The following DEXI variants were observed in gnomAD, a reference collection of about 807,000 sequenced individuals.
DEXI encodes dexamethasone-induced protein.
DEXI carries 2 observed loss-of-function variants against 2.5 expected under a neutral mutation model. The ratio of observed to expected loss-of-function variants is 0.81; its 90% CI spans 0.33 to 2.55. The LOEUF (loss-of-function observed/expected upper bound fraction) is 2.55, where lower values mean the gene tolerates loss of function less well. Ranked by LOEUF, DEXI falls within the 30% of genes most tolerant of loss-of-function variation. The pLI is 0.11. For missense variants in DEXI, 108 were observed against 130.3 expected, an observed-to-expected ratio of 0.83 and a Z score of 0.83; for synonymous variants, 71 against 68.7, an observed-to-expected ratio of 1.03 and a Z score of -0.17.
At position 10,931,661 on chromosome 16, in the gene DEXI, T is replaced by C. The variant is rs540326825; in HGVS notation, c.*150-2102A>G. The C allele has an allele frequency of 2.0e-5, 3 of 152,202 alleles. No homozygotes were observed. In the South Asian group the frequency reaches 6.2e-4, roughly 32 times the overall value. 9.4% of individuals were successfully genotyped at this position (152,202 alleles called of 1,614,324 possible). A position where few individuals can be genotyped will look rare whatever the true frequency, so the allele number is the denominator to read the frequency against. ...GAGTTTGAGACCAGCCTGGCCAACA[T>C]GGCGAAATGAGGTCAAGACTAGCCT... On this transcript the variant is annotated intron_variant, in intron 1 of 1. Transcript: ENST00000331808.
rs2041109167 is a variant in DEXI, at chr16:10,941,990, C to G, written c.16G>C (p.Val6Leu). The change falls in exon 1 of 2, where the codon GTC becomes CTC. Residue 6 changes from valine (V) to leucine (L), a missense_variant. Val to Leu is a conservative substitution (Grantham distance 32). Coordinates refer to ENST00000331808, the MANE Select transcript of DEXI (RefSeq NM_014015.4). This position sits in a 1 kb window ranked among gnomAD's most constrained non-coding sequence, Gnocchi z 6.4. MLGAR[V>L]AAHLDALGPL... ...CCCAGTGCGTCCAGGTGGGCCGCGA[C>G]CCGGGCGCCGAGCATGCAGCGGGTG... is the stretch of plus-strand genomic sequence containing the variant. 6.8e-7 allele frequency: 1 copy of G among 1,477,410 alleles called. No homozygotes were observed. Among genetic ancestry groups the G allele is most frequent in the East Asian group, 2.9e-5 (1 of 34,626 alleles). 91.5% of individuals were successfully genotyped at this position (1,477,410 alleles called of 1,614,324 possible). A position where few individuals can be genotyped will look rare whatever the true frequency, so the allele number is the denominator to read the frequency against.
rs2041050080 is a variant in DEXI, at chr16:10,937,818, ACT to A, written c.*149+3749_*149+3750del. 6.6e-6 allele frequency: 1 copy of A among 151,636 alleles called. No homozygotes were observed. The highest frequency in any genetic ancestry group is 1.5e-5 in the Non-Finnish European group (1 of 67,906). 9.4% of individuals were successfully genotyped at this position (151,636 alleles called of 1,614,324 possible). On this transcript the variant is annotated intron_variant, in intron 1 of 1. Coordinates refer to ENST00000331808, the MANE Select transcript of DEXI (RefSeq NM_014015.4). This position sits in a 1 kb window ranked among gnomAD's most constrained non-coding sequence, Gnocchi z 4.2. Reference sequence around the variant, plus strand: ...TCCCTGCTCCTGGGCAACAATTAACACTCTAGGAAAACCACAGAGCCGGCTAT... The same window carrying A: ...TCCCTGCTCCTGGGCAACAATTAACACTAGGAAAACCACAGAGCCGGCTAT...
chr16:10,936,872 G>C (rs1279202237), intron 1 of DEXI: 1 of 152,298 alleles, frequency 6.6e-6, no homozygotes, highest in Middle Eastern at 3.4e-3. Context: ...GTGATCTTAG[G>C]TTTCCCAAAA....
chr16:10,931,065 T>G (rs1189899937), intron 1 of DEXI: 1 of 152,702 alleles, frequency 6.5e-6, no homozygotes, highest in African/African-American at 2.4e-5. Flanking sequence ...TGGTTCATGC[T>G]TGTAATCCCA....
rs2041095995 is a variant in DEXI at position 10,941,044 on chromosome 16, G to C, written c.*149+525C>G. 6.6e-6 allele frequency: 1 copy of C among 152,292 alleles called. No homozygotes were observed. The highest frequency in any genetic ancestry group is 1.5e-5 in the Non-Finnish European group (1 of 68,122). The allele number at this position is 152,292 out of a possible 1,614,324, so 9.4% of individuals were successfully genotyped here. A position where few individuals can be genotyped will look rare whatever the true frequency, so the allele number is the denominator to read the frequency against. On this transcript the variant is annotated intron_variant, in intron 1 of 1. Coordinates refer to ENST00000331808, the MANE Select transcript of DEXI (RefSeq NM_014015.4). This position sits in a 1 kb window ranked among gnomAD's most constrained non-coding sequence, Gnocchi z 6.4. ...GCCAAAAGGAAGTACGGGCTTCTTT[G>C]CTTGCGATTTCTCCTCTCACAGCTT...
chr16:10,932,507 C>G (rs1320081439), intron 1 of DEXI: 2 of 152,140 alleles, frequency 1.3e-5, no homozygotes, highest in Non-Finnish European at 2.9e-5. Context: ...AAAGCCGAAA[C>G]CACTCGGCAC....
intron 1 of DEXI, chr16:10,932,921 A>G (rs1320317212): frequency 6.6e-6 from 1 of 152,104 alleles, no homozygotes; most frequent in African/African-American, 2.4e-5. Flanking sequence ...ATAACGTTTT[A>G]AGAAAGTTTA....
chr16:10,939,337 T>G lies in DEXI; in HGVS notation c.*149+2232A>C, dbSNP rs1373818705. ...ATTCTGTCCACAATTGCCAGAGTCA[T>G]TTTTGCAAAATGGGAATGGGATTGT... On this transcript the variant is annotated intron_variant, in intron 1 of 1. Transcript: ENST00000331808. The surrounding 1 kb of genome is among the most constrained non-coding windows in gnomAD (Gnocchi z 4.9). 1 of 152,228 alleles carries G rather than the reference T, an allele frequency of 6.6e-6. No homozygotes were observed. The highest frequency in any genetic ancestry group is 2.4e-5 in the African/African-American group (1 of 41,406). The allele number at this position is 152,228 out of a possible 1,614,324, so 9.4% of individuals were successfully genotyped here.
chr16:10,933,074 G>A (rs1038853245), intron 1 of DEXI: 1 of 152,118 alleles, frequency 6.6e-6, no homozygotes. Context: ...TAGAACCCAG[G>A]GCAGCAGGTT....
chr16:10,941,465 G>C lies in DEXI; in HGVS notation c.*149+104C>G. 1 of 1,168,504 alleles carries C rather than the reference G, an allele frequency of 8.6e-7. No individual in the cohort carries two copies. The highest frequency in any genetic ancestry group is 1.1e-6 in the Non-Finnish European group (1 of 902,356). The allele number at this position is 1,168,504 out of a possible 1,614,324, so 72.4% of individuals were successfully genotyped here. On this transcript the variant is annotated intron_variant, in intron 1 of 1. Coordinates refer to ENST00000331808, the MANE Select transcript of DEXI (RefSeq NM_014015.4). The surrounding 1 kb of genome is among the most constrained non-coding windows in gnomAD (Gnocchi z 6.4). Reference sequence around the variant, plus strand: ...CCAGTTAGACCTGGAGGAGGTGAACGGAGGAGAAGCCTGAGGGAGGGGTGT... The same window carrying C: ...CCAGTTAGACCTGGAGGAGGTGAACCGAGGAGAAGCCTGAGGGAGGGGTGT...
In DEXI at chr16:10,941,711, C is replaced by G. The variant is rs758536904; in HGVS notation, c.*7G>C. 15 of 1,600,416 alleles carry G rather than the reference C, an allele frequency of 9.4e-6. No individual in the cohort carries two copies. Among genetic ancestry groups the G allele is most frequent in the African/African-American group, 1.3e-5 (1 of 74,320 alleles). The stretch of plus-strand genomic sequence containing the variant: ...GTGTAGGGAAGAGGGGAACAGCAGT[C>G]GAGACCCTACTCCAAGTACGCATCA... On this transcript the variant is annotated 3_prime_UTR_variant, in exon 1 of 2. Transcript: ENST00000331808. This position sits in a 1 kb window ranked among gnomAD's most constrained non-coding sequence, Gnocchi z 6.4.
rs549842380 is a variant in DEXI at position 10,939,399 on chromosome 16, C to A, written c.*149+2170G>T. On this transcript the variant is annotated intron_variant, in intron 1 of 1. Coordinates refer to ENST00000331808, the MANE Select transcript of DEXI (RefSeq NM_014015.4). This position sits in a 1 kb window ranked among gnomAD's most constrained non-coding sequence, Gnocchi z 4.9. ...CCTAGAACCTTCCAATGGCTTTCCA[C>A]TGCTCTTGGCTATGGCCTTCCAGGT... 2.0e-5 allele frequency: 3 copies of A among 152,288 alleles called. No homozygotes were observed. The highest frequency in any genetic ancestry group is 4.4e-5 in the Non-Finnish European group (3 of 68,088). The allele number at this position is 152,288 out of a possible 1,614,324, so 9.4% of individuals were successfully genotyped here. A position where few individuals can be genotyped will look rare whatever the true frequency, so the allele number is the denominator to read the frequency against.
Position 10,934,553 on chromosome 16 carries a change from A to G in DEXI, c.*150-4994T>C, listed in dbSNP as rs1443665446. 1.3e-5 allele frequency: 2 copies of G among 152,264 alleles called. No individual in the cohort carries two copies. Among genetic ancestry groups the G allele is most frequent in the East Asian group, 1.9e-4 (1 of 5,194 alleles). The allele number at this position is 152,264 out of a possible 1,614,324, so 9.4% of individuals were successfully genotyped here. ...ACCTCACTGGGGGAAACATCAGGAC[A>G]GCGTGGCCAGGAGCCCAATGCTGCC... is the stretch of plus-strand genomic sequence containing the variant. On this transcript the variant is annotated intron_variant, in intron 1 of 1. Transcript: ENST00000331808. The surrounding 1 kb of genome is among the most constrained non-coding windows in gnomAD (Gnocchi z 4.2).
At chr16:10,936,671 G>A (rs1212980289) in intron 1 of DEXI, 1 of 152,226 alleles carries the variant, frequency 6.6e-6, no homozygotes, top group Non-Finnish European at 1.5e-5. Context: ...AGGCCTGGCA[G>A]AAACTATGAG....
At chr16:10,935,702 A>G (rs1456994289) in intron 1 of DEXI, 2 of 152,236 alleles carry the variant, frequency 1.3e-5, no homozygotes, top group African/African-American at 4.8e-5. Flanking sequence ...GTGCCTCTCG[A>G]TAAGATGCAC....
chr16:10,940,124 T>C lies in DEXI; in HGVS notation c.*149+1445A>G, dbSNP rs1022301203. 6.6e-6 allele frequency: 1 copy of C among 152,258 alleles called. No individual in the cohort carries two copies. The highest frequency in any genetic ancestry group is 1.5e-5 in the Non-Finnish European group (1 of 68,062). 9.4% of individuals were successfully genotyped at this position (152,258 alleles called of 1,614,324 possible). On this transcript the variant is annotated intron_variant, in intron 1 of 1. Transcript: ENST00000331808. This position sits in a 1 kb window ranked among gnomAD's most constrained non-coding sequence, Gnocchi z 4.2. ...ATTAGGAGAGCCCTCTGCCGCCAGC[T>C]ATGCTGTCAGTAGGTCCTACCCCAC...
Position 10,939,392 on chromosome 16 carries a change from C to T in DEXI, c.*149+2177G>A, listed in dbSNP as rs1453376166. 6.6e-6 allele frequency: 1 copy of T among 152,294 alleles called. No homozygotes were observed. Among genetic ancestry groups the T allele is most frequent in the Non-Finnish European group, 1.5e-5 (1 of 68,100 alleles). 9.4% of individuals were successfully genotyped at this position (152,294 alleles called of 1,614,324 possible). A position where few individuals can be genotyped will look rare whatever the true frequency, so the allele number is the denominator to read the frequency against. On this transcript the variant is annotated intron_variant, in intron 1 of 1. Transcript: ENST00000331808. This position sits in a 1 kb window ranked among gnomAD's most constrained non-coding sequence, Gnocchi z 4.9. Reference sequence around the variant, plus strand: ...TCTCCTGCCTAGAACCTTCCAATGGCTTTCCACTGCTCTTGGCTATGGCCT... The same window carrying T: ...TCTCCTGCCTAGAACCTTCCAATGGTTTTCCACTGCTCTTGGCTATGGCCT...
rs752464519 is a variant in DEXI at position 10,941,685 on chromosome 16, C to T, written c.*33G>A. 5.1e-6 allele frequency: 8 copies of T among 1,570,416 alleles called. No homozygotes were observed. Among genetic ancestry groups the T allele is most frequent in the Non-Finnish European group, 8.7e-7 (1 of 1,155,702 alleles). ...CTGGTCCAGGGCATGGGTTGCGGATCGTGTAGGGAAGAGGGGAACAGCAGT... is the reference window on the plus strand; with the variant it reads ...CTGGTCCAGGGCATGGGTTGCGGATTGTGTAGGGAAGAGGGGAACAGCAGT... On this transcript the variant is annotated 3_prime_UTR_variant, in exon 1 of 2. Coordinates refer to ENST00000331808, the MANE Select transcript of DEXI (RefSeq NM_014015.4). This position sits in a 1 kb window ranked among gnomAD's most constrained non-coding sequence, Gnocchi z 6.4.
intron 1 of DEXI, chr16:10,933,763 A>C (rs2040899700): frequency 6.6e-6 from 1 of 152,246 alleles, no homozygotes; most frequent in Non-Finnish European, 1.5e-5. Flanking sequence ...GCCTTCTAGA[A>C]ACCCATTGCT....
Sources: gnomAD v4.1 joint callset for allele counts on GRCh38, gnomAD v4.1.1 for gene constraint, Gnocchi (gnomAD v3.1) non-coding constraint, MANE v1.5 for transcripts, NCBI Gene and HGNC (gene_info 2026-07-23, HGNC 2026-07-21) for gene names.